The following PRIMA1 variants were observed in gnomAD, a reference collection of about 807,000 sequenced individuals.
PRIMA1 encodes the protein proline rich membrane anchor 1.
PRIMA1 carries 7 observed loss-of-function variants against 17.5 expected under a neutral mutation model. That is an observed-to-expected ratio of 0.40 (90% CI 0.23 to 0.75). PRIMA1 has a LOEUF of 0.75. Among genes scored for constraint, PRIMA1 ranks in the 30% least tolerant of loss-of-function variants. The probability of loss-of-function intolerance (pLI) is 0.37; values close to 1 mark genes in which losing one functional copy is unlikely to be tolerated. For missense variants in PRIMA1, 200 were observed against 201.8 expected, an observed-to-expected ratio of 0.99 and a Z score of 0.05; for synonymous variants, 97 against 77.9, an observed-to-expected ratio of 1.25 and a Z score of -1.29.
At chr14:93,771,431 C>T (rs1028318364) in intron 3 of PRIMA1, among the ~76,000 whole-genome samples, 2 of 152,186 alleles carry the variant, frequency 1.3e-5, no homozygotes, top group Admixed American at 1.3e-4. Context: ...GGCGGCATCA[C>T]ATGGAGTGTT....
rs1248599077 is a variant in PRIMA1 at position 93,752,477 on chromosome 14, A to G, written c.230-15107T>C. ...AGCCACGTGGCTTGTTGAGTGGAACACCTGAATCTAAAAAGTACTAAGTAC... is the reference window on the plus strand; with the variant it reads ...AGCCACGTGGCTTGTTGAGTGGAACGCCTGAATCTAAAAAGTACTAAGTAC... On this transcript the variant is annotated intron_variant, in intron 3 of 4. Coordinates refer to ENST00000393140, the MANE Select transcript of PRIMA1 (RefSeq NM_178013.4). Among the ~76,000 whole-genome samples the G allele has an allele frequency of 7.9e-5, 12 of 152,230 alleles. No individual in the cohort carries two copies. In the East Asian group the frequency reaches 2.3e-3, roughly 29 times the overall value.
chr14:93,737,584 C>T (rs571973672), intron 3 of PRIMA1, among the ~76,000 whole-genome samples: 10 of 151,302 alleles, frequency 6.6e-5, no homozygotes, highest in Admixed American at 2.0e-4. Flanking sequence ...GTGGGACCAT[C>T]ATGGGTGACA....
intron 3 of PRIMA1, among the ~76,000 whole-genome samples, chr14:93,741,714 C>T (rs946321652): frequency 3.3e-5 from 5 of 152,144 alleles, no homozygotes; most frequent in African/African-American, 7.2e-5. Flanking sequence ...TTCAGGGATG[C>T]GGGTGATGCT....
At chr14:93,737,184 C>T (rs919429610) in intron 4 of PRIMA1, 57 bp downstream of exon 4, 1 of 1,597,212 alleles carries the variant, frequency 6.3e-7, no homozygotes, top group African/African-American at 1.3e-5. Context: ...GTAGGAGCCC[C>T]AAGCCCAGCT....
intron 3 of PRIMA1, among the ~76,000 whole-genome samples, chr14:93,761,338 G>A (rs1393878748): frequency 1.3e-5 from 2 of 151,820 alleles, no homozygotes; most frequent in East Asian, 1.9e-4. Context: ...GCAACAGAGC[G>A]AGACTCTGTC....
intron 4 of PRIMA1, among the ~76,000 whole-genome samples, chr14:93,721,869 T>A (rs2076040996): frequency 6.6e-6 from 1 of 152,222 alleles, no homozygotes; most frequent in Non-Finnish European, 1.5e-5. Flanking sequence ...GTATGTTCAG[T>A]CTAGCACGAT....
At chr14:93,725,508 C>G (rs551139277) in intron 4 of PRIMA1, among the ~76,000 whole-genome samples, 2 of 152,130 alleles carry the variant, frequency 1.3e-5, no homozygotes, top group African/African-American at 4.8e-5. Context: ...GGTGACGCTG[C>G]GGAAGTGCTA....
chr14:93,785,604 A>G (rs1029008203), intron 2 of PRIMA1, among the ~76,000 whole-genome samples: 3 of 152,210 alleles, frequency 2.0e-5, no homozygotes, highest in Admixed American at 2.0e-4. Context: ...CCACTTAAAG[A>G]GAAACACATG....
Position 93,721,280 on chromosome 14 carries a change from G to A in PRIMA1, c.*164C>T. 1.7e-6 allele frequency: 1 copy of A among 586,758 alleles called. No individual in the cohort carries two copies. Among genetic ancestry groups the A allele is most frequent in the Non-Finnish European group, 3.0e-6 (1 of 332,098 alleles). The allele number at this position is 586,758 out of a possible 1,614,324, so 36.3% of individuals were successfully genotyped here. ...GCTGCCTGGGCCCGCAGGCTGACCA[G>A]GGGCAAGCCTGGGAAGACAATGGTT... On this transcript the variant is annotated 3_prime_UTR_variant, in exon 5 of 5. Transcript: ENST00000393140.
intron 4 of PRIMA1, among the ~76,000 whole-genome samples, chr14:93,728,006 C>A (rs2076090243): frequency 6.6e-6 from 1 of 152,210 alleles, no homozygotes; most frequent in African/African-American, 2.4e-5. Context: ...TACAGAAATG[C>A]CCGGCACTGC....
rs1188430701 is a variant in PRIMA1 at position 93,784,854 on chromosome 14, C to T, written c.93+2772G>A. Among the ~76,000 whole-genome samples, 5 of 152,302 alleles carry T rather than the reference C, an allele frequency of 3.3e-5. No individual in the cohort carries two copies. The East Asian group carries it at 5.8e-4, about 18-fold the overall frequency. Reference sequence around the variant, plus strand: ...CTACATTGCCAAACTATCAGTGCCACGAGGGAAGAGGCCACTAAGCCCCTT... The same window carrying T: ...CTACATTGCCAAACTATCAGTGCCATGAGGGAAGAGGCCACTAAGCCCCTT... On this transcript the variant is annotated intron_variant, in intron 2 of 4. Coordinates refer to ENST00000393140, the MANE Select transcript of PRIMA1 (RefSeq NM_178013.4).
intron 2 of PRIMA1, among the ~76,000 whole-genome samples, chr14:93,780,375 C>T (rs1427007601): frequency 6.6e-6 from 1 of 152,238 alleles, no homozygotes; most frequent in Non-Finnish European, 1.5e-5. Flanking sequence ...TGTTCCTTCT[C>T]TCTCACTATC....
At chr14:93,786,326 T>C (rs1311282558) in intron 2 of PRIMA1, among the ~76,000 whole-genome samples, 1 of 152,140 alleles carries the variant, frequency 6.6e-6, no homozygotes, top group Non-Finnish European at 1.5e-5. Context: ...AGGAAAACAA[T>C]TGTGAGACGG....
At chr14:93,757,230 A>AGAAG (rs777860436) in intron 3 of PRIMA1, among the ~76,000 whole-genome samples, 194 of 140,956 alleles carry the variant, frequency 1.4e-3, no homozygotes, top group Non-Finnish European at 2.5e-3. Flanking sequence ...AAGGAAGGAA[A>AGAAG]GAAGGAAGGA....
intron 3 of PRIMA1, among the ~76,000 whole-genome samples, chr14:93,761,627 T>C (rs1359811307): frequency 6.6e-6 from 1 of 152,142 alleles, no homozygotes; most frequent in Non-Finnish European, 1.5e-5. Flanking sequence ...AAGAGAGACC[T>C]TCCTGGGCAT....
chr14:93,749,795 C>T (rs1373551862), intron 3 of PRIMA1, among the ~76,000 whole-genome samples: 2 of 152,198 alleles, frequency 1.3e-5, no homozygotes, highest in Non-Finnish European at 2.9e-5. Context: ...GTAATCCCAG[C>T]ACTTTGGGAG....
At chr14:93,774,523 A>C (rs368267446) in intron 3 of PRIMA1, among the ~76,000 whole-genome samples, 1 of 152,168 alleles carries the variant, frequency 6.6e-6, no homozygotes, top group African/African-American at 2.4e-5. Context: ...CTGTGGATCA[A>C]TGTCACTTCA....
intron 3 of PRIMA1, among the ~76,000 whole-genome samples, chr14:93,766,107 G>C (rs1411318180): frequency 6.6e-6 from 1 of 152,130 alleles, no homozygotes; most frequent in Non-Finnish European, 1.5e-5. Flanking sequence ...AAGGCACAGT[G>C]GCTGTAGATT....
intron 4 of PRIMA1, among the ~76,000 whole-genome samples, chr14:93,728,101 A>G (rs1293017992): frequency 1.3e-5 from 2 of 152,016 alleles, no homozygotes; most frequent in African/African-American, 2.4e-5. Flanking sequence ...GGACTCCCCA[A>G]CCTCAGGCAC....
Sources: allele counts gnomAD v4.1 joint callset (sites outside exome capture counted in the v4.1 genomes callset), GRCh38; gene constraint gnomAD v4.1.1; transcripts MANE v1.5; gene names NCBI Gene and HGNC (gene_info 2026-07-23, HGNC 2026-07-21).